Variants in DOP1B observed in about 807,000 individuals in gnomAD.
DOP1B encodes protein DOP1B.
A neutral mutation model predicts 233.5 loss-of-function variants in DOP1B; 174 were observed. The ratio of observed to expected loss-of-function variants is 0.75; its 90% CI spans 0.66 to 0.85. The LOEUF is 0.85. Among genes scored for constraint, DOP1B ranks in the 40% least tolerant of loss-of-function variants. DOP1B has a pLI of 0.00. For missense variants in DOP1B, 2,652 were observed against 2,846.6 expected (o/e 0.93, Z 1.56); for synonymous variants, 1,190 against 1,185.6 (o/e 1.00, Z -0.08).
At chr21:36,260,960 C>T (rs1443533954) in intron 24 of DOP1B, 15 of 1,281,988 alleles carry the variant, frequency 1.2e-5, no homozygotes, top group African/African-American at 3.1e-5. Flanking sequence ...TTTATATGAG[C>T]GAAGCTTTAT....
Position 36,169,553 on chromosome 21 carries a change from G to A in DOP1B, c.138+4682G>A, listed in dbSNP as rs1049178452. ...GTCGATCATCTCGTCCAGCCCAAAC[G>A]CTTGGTTCACAGGTACCTGCTGCTG... On this transcript the variant is annotated intron_variant, in intron 2 of 36. Transcript: ENST00000691173. The A allele has an allele frequency of 1.5e-5, 17 of 1,113,980 alleles. 2 individuals carry two copies. The highest frequency in any genetic ancestry group is 2.2e-5 in the Non-Finnish European group (16 of 736,042). The allele number at this position is 1,113,980 out of a possible 1,614,324, so 69.0% of individuals were successfully genotyped here. A position where few individuals can be genotyped will look rare whatever the true frequency, so the allele number is the denominator to read the frequency against.
At chr21:36,211,727 C>T (rs748619534) in intron 6 of DOP1B, 76 bp downstream of exon 6, 33 of 1,475,032 alleles carry the variant, frequency 2.2e-5, no homozygotes, top group East Asian at 4.5e-5. Context: ...GCAGTTCTGT[C>T]GTACGAGGAC....
At chr21:36,214,809 G>C (rs548408144) in intron 9 of DOP1B, among the ~76,000 whole-genome samples, 1 of 152,276 alleles carries the variant, frequency 6.6e-6, no homozygotes, top group South Asian at 2.1e-4. Flanking sequence ...AAGATCACTT[G>C]AGCTCATGGA....
At chr21:36,260,270 A>G (rs201253276) in intron 23 of DOP1B, among the ~76,000 whole-genome samples, 77 of 95,038 alleles carry the variant, frequency 8.1e-4, no homozygotes, top group African/African-American at 3.0e-3. Context: ...AAGGAAGGAA[A>G]GAAAGAAAGA....
intron 2 of DOP1B, among the ~76,000 whole-genome samples, chr21:36,187,206 C>A (rs1023736116): frequency 6.7e-6 from 1 of 148,872 alleles, no homozygotes; most frequent in Non-Finnish European, 1.5e-5. Flanking sequence ...CCTCCCCTCC[C>A]TTCCCCTCCT....
At chr21:36,292,035 A>T in intron 35 of DOP1B, 69 bp from the exon 36 acceptor site, 1 of 1,510,150 alleles carries the variant, frequency 6.6e-7, no homozygotes, top group Non-Finnish European at 8.8e-7. Flanking sequence ...TTATATCTTA[A>T]TAAAACTAAT....
chr21:36,221,775 A>G (rs1169249178), intron 10 of DOP1B, among the ~76,000 whole-genome samples: 1 of 151,816 alleles, frequency 6.6e-6, no homozygotes, highest in Non-Finnish European at 1.5e-5. Flanking sequence ...TGGGGTTTTC[A>G]CCATGTTGGC....
chr21:36,184,642 G>A (rs540046430), intron 2 of DOP1B, among the ~76,000 whole-genome samples: 1 of 152,350 alleles, frequency 6.6e-6, no homozygotes, highest in South Asian at 2.1e-4. Flanking sequence ...ACAGGCTATC[G>A]TGGAGAGCTG....
In DOP1B at chr21:36,227,952, T is replaced by C. The variant is rs1257418485; in HGVS notation, c.1665+75T>C. Reference sequence around the variant, plus strand: ...TGCCTTCCTGGGAGTAGAAAGTCTTTAGGGTTGGTTAGGATAGGAATAAAG... The same window carrying C: ...TGCCTTCCTGGGAGTAGAAAGTCTTCAGGGTTGGTTAGGATAGGAATAAAG... On this transcript the variant is annotated intron_variant, in intron 13 of 36. Transcript: ENST00000691173. The C allele has an allele frequency of 7.3e-6, 10 of 1,369,996 alleles. No homozygotes were observed. The Admixed American group carries it at 1.4e-4, about 19-fold the overall frequency. The allele number at this position is 1,369,996 out of a possible 1,614,324, so 84.9% of individuals were successfully genotyped here. A position where few individuals can be genotyped will look rare whatever the true frequency, so the allele number is the denominator to read the frequency against.
rs776385915 is a variant in DOP1B, at chr21:36,230,507, G to A, written c.1723G>A (p.Gly575Ser). The A allele has an allele frequency of 4.5e-5, 73 of 1,613,358 alleles. No homozygotes were observed. In the Admixed American group the frequency reaches 5.7e-4, roughly 13 times the overall value. ...IILETKAVIP[G>S]DEDASFPPLK... ...TTTGGAAACAAAGGCAGTGATTCCCGGTGACGAAGATGCTTCGTTTCCCCC... is the reference window on the plus strand; with the variant it reads ...TTTGGAAACAAAGGCAGTGATTCCCAGTGACGAAGATGCTTCGTTTCCCCC... Residue 575 changes from glycine to serine, a missense_variant, in exon 14 of 37, where the codon GGT (glycine) becomes AGT (serine). Physicochemically the swap from Gly to Ser is moderately conservative, Grantham distance 56. Coordinates refer to ENST00000691173, the MANE Select transcript of DOP1B (RefSeq NM_001320714.2).
intron 2 of DOP1B, among the ~76,000 whole-genome samples, chr21:36,193,652 C>A (rs981405578): frequency 1.3e-5 from 2 of 152,094 alleles, no homozygotes; most frequent in African/African-American, 4.8e-5. Flanking sequence ...GAGAAGTTTG[C>A]CCTAAAAATG....
At chr21:36,204,865 G>C (rs745712436) in intron 4 of DOP1B, among the ~76,000 whole-genome samples, 2 of 151,970 alleles carry the variant, frequency 1.3e-5, no homozygotes, top group African/African-American at 2.4e-5. Context: ...ATGTTGGCCA[G>C]GCTGGTCTTG....
chr21:36,182,020 C>G (rs2066104518), intron 2 of DOP1B, among the ~76,000 whole-genome samples: 1 of 152,142 alleles, frequency 6.6e-6, no homozygotes, highest in Middle Eastern at 3.2e-3. Context: ...TGCTTTTTAC[C>G]AAGCATCACA....
At chr21:36,288,669 TA>T in intron 33 of DOP1B, 86 bp from the exon 34 acceptor site, 1 of 996,104 alleles carries the variant, frequency 1.0e-6, no homozygotes. Context: ...ATTCATAAAT[TA>T]ATCGATTTTT....
intron 19 of DOP1B, among the ~76,000 whole-genome samples, chr21:36,247,146 C>T (rs1390766061): frequency 6.6e-6 from 1 of 152,166 alleles, no homozygotes; most frequent in Non-Finnish European, 1.5e-5. Flanking sequence ...TCCCAAAGTG[C>T]TGGGGTGCTA....
At chr21:36,216,789 A>AG (rs1051673279) in intron 9 of DOP1B, among the ~76,000 whole-genome samples, 38 of 152,050 alleles carry the variant, frequency 2.5e-4, no homozygotes, top group African/African-American at 8.9e-4. Flanking sequence ...AAGAGAGCTG[A>AG]GGGCTGGCCG....
At chr21:36,218,738 G>C (rs1419987713) in intron 9 of DOP1B, among the ~76,000 whole-genome samples, 1 of 152,194 alleles carries the variant, frequency 6.6e-6, no homozygotes. Flanking sequence ...CAGGCCCTCA[G>C]CTGCCTGAGG....
chr21:36,257,478 G>A lies in DOP1B; in HGVS notation c.5260-3199G>A, dbSNP rs563270180. The stretch of plus-strand genomic sequence containing the variant: ...GGACAGGACCCTCTCCAGAATGAGG[G>A]TCTTATGAACCGTAGTCAGATTAGA... On this transcript the variant is annotated intron_variant, in intron 23 of 36. Transcript: ENST00000691173. Among the ~76,000 whole-genome samples the A allele has an allele frequency of 1.5e-4, 23 of 152,326 alleles. No individual in the cohort carries two copies. The East Asian group carries it at 3.9e-3, about 26-fold the overall frequency.
At chr21:36,190,708 A>G (rs909679250) in intron 2 of DOP1B, among the ~76,000 whole-genome samples, 2 of 152,232 alleles carry the variant, frequency 1.3e-5, no homozygotes, top group Non-Finnish European at 1.5e-5. Context: ...CAGTTCATCT[A>G]TTTCTCTGTG....
Sources: gnomAD v4.1 joint callset for allele counts (sites outside exome capture counted in the v4.1 genomes callset) on GRCh38, gnomAD v4.1.1 for gene constraint, MANE v1.5 for transcripts, NCBI Gene and HGNC (gene_info 2026-07-23, HGNC 2026-07-21) for gene names.